The following MMP26 variants were observed in gnomAD, a reference collection of about 807,000 sequenced individuals.
MMP26 encodes the protein matrix metallopeptidase 26.
MMP26 carries 33 observed loss-of-function variants against 31.0 expected under a neutral mutation model. The ratio of observed to expected loss-of-function variants is 1.06; its 90% CI spans 0.81 to 1.42. The LOEUF is 1.42. MMP26 is among the 40% of genes most tolerant of loss of function. MMP26 has a pLI of 0.00. For missense variants in MMP26, 347 were observed against 316.1 expected, an observed-to-expected ratio of 1.10 and a Z score of -0.74; for synonymous variants, 122 against 114.9, an observed-to-expected ratio of 1.06 and a Z score of -0.40.
intron 2 of MMP26, among the ~76,000 whole-genome samples, chr11:4,801,454 T>C (rs1007790847): frequency 2.0e-5 from 3 of 152,170 alleles, no homozygotes; most frequent in African/African-American, 7.2e-5. Flanking sequence ...GTACATCACA[T>C]GGCAGGAGTG....
At chr11:4,840,607 C>T (rs1434242881) in intron 2 of MMP26, among the ~76,000 whole-genome samples, 1 of 152,218 alleles carries the variant, frequency 6.6e-6, no homozygotes, top group African/African-American at 2.4e-5. Flanking sequence ...AGAAGAAGCA[C>T]AGCATTACTG....
intron 2 of MMP26, among the ~76,000 whole-genome samples, chr11:4,868,592 T>A (rs1850268898): frequency 6.6e-6 from 1 of 152,070 alleles, no homozygotes; most frequent in Non-Finnish European, 1.5e-5. Context: ...GGAAGAACAT[T>A]CCATGCTCTT....
At chr11:4,705,971 C>A (rs1377763408) in intron 1 of MMP26, among the ~76,000 whole-genome samples, 1 of 17,164 alleles carries the variant, frequency 5.8e-5, no homozygotes, top group African/African-American at 3.6e-4. Flanking sequence ...ATGGTGGGGG[C>A]GGGTGGTGGT....
intron 1 of MMP26, chr11:4,722,997 C>A: frequency 1.1e-6 from 1 of 874,790 alleles, no homozygotes; most frequent in Non-Finnish European, 1.9e-6. Context: ...CTCTCCTCGC[C>A]ATCCAGCAGC....
At chr11:4,907,309 CATGACTGCTTTT>C (rs1850910764) in intron 2 of MMP26, 1 of 1,191,246 alleles carries the variant, frequency 8.4e-7, no homozygotes, top group East Asian at 2.4e-5. Context: ...TAACCAAAAG[CATGACTGCTTTT>C]CATTTATATG....
At chr11:4,954,479 T>G (rs572616996) in intron 2 of MMP26, among the ~76,000 whole-genome samples, 1 of 110,216 alleles carries the variant, frequency 9.1e-6, no homozygotes, top group African/African-American at 2.9e-5. Context: ...ATCCAACTTC[T>G]GTCAGAACTG....
chr11:4,813,620 C>A (rs1341185954), intron 2 of MMP26, among the ~76,000 whole-genome samples: 12 of 152,050 alleles, frequency 7.9e-5, no homozygotes, highest in East Asian at 3.9e-4. Context: ...ATGAAAAAAA[C>A]AAAGTGAAAC....
chr11:4,872,748 G>A (rs1850328104), intron 2 of MMP26, among the ~76,000 whole-genome samples: 1 of 151,904 alleles, frequency 6.6e-6, no homozygotes, highest in African/African-American at 2.4e-5. Flanking sequence ...TAGAAGGGAA[G>A]GACTCTCAAT....
At chr11:4,901,262 C>G (rs949007581) in intron 2 of MMP26, among the ~76,000 whole-genome samples, 1 of 145,070 alleles carries the variant, frequency 6.9e-6, no homozygotes, top group African/African-American at 2.5e-5. Flanking sequence ...GGGGTTCATG[C>G]CATTCTCCTG....
rs183227835 is a variant in MMP26, at chr11:4,901,725, A to C, written c.-144-86343A>C. ...AACTTCTCTAATGTTTAAGATTCCT[A>C]CTTTTTTGTATGGGTGTTTATCTCT... On this transcript the variant is annotated intron_variant, in intron 2 of 7. Coordinates refer to ENST00000380390, the MANE Select transcript of MMP26 (RefSeq NM_021801.5). 8.1e-3 allele frequency among the ~76,000 whole-genome samples: 1,239 copies of C among 152,272 alleles called. 6 individuals carry two copies. Among genetic ancestry groups the C allele is most frequent in the Non-Finnish European group, 0.013 (858 of 68,022 alleles).
At chr11:4,889,357 T>A (rs533289314) in intron 2 of MMP26, among the ~76,000 whole-genome samples, 1 of 152,304 alleles carries the variant, frequency 6.6e-6, no homozygotes, top group Admixed American at 6.5e-5. Flanking sequence ...ATAGTTGTTA[T>A]GCTGTATTGT....
At chr11:4,974,457 G>A (rs535768421) in intron 2 of MMP26, among the ~76,000 whole-genome samples, 7 of 151,824 alleles carry the variant, frequency 4.6e-5, no homozygotes, top group Admixed American at 2.0e-4. Flanking sequence ...TCAAAAATAC[G>A]TTGTCATTCT....
rs35909286 is a variant in MMP26 at position 4,988,268 on chromosome 11, A to G, written c.57A>G (p.Pro19=). 2.9e-4 allele frequency: 475 copies of G among 1,614,100 alleles called. 3 individuals carry two copies. In the African/African-American group the frequency reaches 5.7e-3, roughly 19 times the overall value. ...TCTTGCCCTGGTGTTTCGCCGTTCC[A>G]GTGCCCCCTGCTGCAGACCATAAAG... ...TIFLPWCFAV[P]VPPAADHKGW... is the part of the protein sequence containing the mutation. The change falls in exon 3 of 8, where the codon CCA becomes CCG. Residue 19 remains proline, a synonymous_variant. Coordinates refer to ENST00000380390, the MANE Select transcript of MMP26 (RefSeq NM_021801.5).
intron 1 of MMP26, among the ~76,000 whole-genome samples, chr11:4,745,337 G>A (rs1848366044): frequency 1.3e-5 from 2 of 152,136 alleles, no homozygotes; most frequent in African/African-American, 2.4e-5. Flanking sequence ...CTGAGTATCA[G>A]GTATACTTTG....
intron 2 of MMP26, chr11:4,924,095 G>A (rs1418214531): frequency 1.9e-6 from 3 of 1,614,062 alleles, no homozygotes; most frequent in African/African-American, 1.3e-5. Context: ...GCCCAGCACA[G>A]TGGGCAGTGT....
intron 2 of MMP26, among the ~76,000 whole-genome samples, chr11:4,834,871 C>T (rs989323581): frequency 2.0e-5 from 3 of 151,932 alleles, no homozygotes; most frequent in Non-Finnish European, 4.4e-5. Context: ...TTTGTTTGGA[C>T]ATGGCAGTGT....
intron 2 of MMP26, among the ~76,000 whole-genome samples, chr11:4,842,079 C>G (rs1849804394): frequency 6.6e-6 from 1 of 152,162 alleles, no homozygotes; most frequent in South Asian, 2.1e-4. Flanking sequence ...GTAAACTACT[C>G]TTATGCCAAG....
chr11:4,858,263 T>C (rs1399871700), intron 2 of MMP26, among the ~76,000 whole-genome samples: 3 of 152,086 alleles, frequency 2.0e-5, no homozygotes, highest in African/African-American at 7.2e-5. Context: ...AGGTATTCAA[T>C]TAGGAAAAGA....
chr11:4,770,966 C>T (rs12286985), intron 2 of MMP26, among the ~76,000 whole-genome samples: 42,514 of 151,856 alleles, frequency 0.28, 6,936 homozygotes, highest in African/African-American at 0.44. Context: ...GAGCCATTAG[C>T]GATCCCAGAA....
Sources: allele counts gnomAD v4.1 joint callset (sites outside exome capture counted in the v4.1 genomes callset), GRCh38; gene constraint gnomAD v4.1.1; transcripts MANE v1.5; gene names NCBI Gene and HGNC (gene_info 2026-07-23, HGNC 2026-07-21).